Variants in PTGR1 observed in about 807,000 individuals in gnomAD.
The protein encoded by PTGR1 is 15-oxoprostaglandin 13-reductase.
PTGR1 carries 23 observed loss-of-function variants against 37.7 expected under a neutral mutation model. The ratio of observed to expected loss-of-function variants is 0.61; its 90% CI spans 0.44 to 0.86. PTGR1 has a LOEUF of 0.86. PTGR1 is among the 40% of genes least tolerant of loss of function. The pLI is 0.00. For missense variants in PTGR1, 351 were observed against 394.3 expected, an observed-to-expected ratio of 0.89 and a Z score of 0.93; for synonymous variants, 134 against 140.0, an observed-to-expected ratio of 0.96 and a Z score of 0.30.
chr9:111,558,695 T>C (rs1310437604), downstream of PTGR1, among the ~76,000 whole-genome samples: 1 of 152,196 alleles, frequency 6.6e-6, no homozygotes, highest in Non-Finnish European at 1.5e-5. Context: ...CAGAGTTATA[T>C]ATATATGTGC....
intron 5 of PTGR1, among the ~76,000 whole-genome samples, chr9:111,584,708 G>C (rs777418901): frequency 6.6e-6 from 1 of 152,170 alleles, no homozygotes; most frequent in Non-Finnish European, 1.5e-5. Flanking sequence ...CAGGAGACCA[G>C]CTTAAGACCA....
In PTGR1 at chr9:111,553,167, T is replaced by C. The variant is rs182731889; in HGVS notation, c.880-3368A>G. Among the ~76,000 whole-genome samples, 859 of 152,360 alleles carry C rather than the reference T, an allele frequency of 5.6e-3. 4 individuals carry two copies. Among genetic ancestry groups the C allele is most frequent in the Non-Finnish European group, 9.8e-3 (669 of 68,022 alleles). On this transcript the variant is annotated intron_variant, in intron 9 of 9. Transcript: ENST00000538962. ...GTCTTAAATATTGTCTTAAGTATTA[T>C]CTACTATGTATCTTTAACACTTTTG...
intron 7 of PTGR1, chr9:111,576,349 C>T: frequency 1.9e-6 from 3 of 1,613,776 alleles, no homozygotes; most frequent in Non-Finnish European, 2.5e-6. Context: ...ACTAAGCTTT[C>T]CCTGGTCACT....
In PTGR1 at chr9:111,593,131, C is replaced by G. The variant is rs548945775; in HGVS notation, c.153-149G>C. On this transcript the variant is annotated intron_variant, in intron 3 of 9. Coordinates refer to ENST00000407693, the MANE Select transcript of PTGR1 (RefSeq NM_001146108.2). The stretch of plus-strand genomic sequence containing the variant: ...AGTGTATGCGGCAATAAAACCCAGA[C>G]AGATGAAGGGCTACAACTAGGTGAG... 22 of 1,299,200 alleles carry G rather than the reference C, an allele frequency of 1.7e-5. No individual in the cohort carries two copies. In the South Asian group the frequency reaches 1.8e-4, roughly 10 times the overall value. 80.5% of individuals were successfully genotyped at this position (1,299,200 alleles called of 1,614,324 possible).
At chr9:111,586,279 C>T (rs1829426116) in intron 4 of PTGR1, 114 bp from the exon 5 acceptor site, 1 of 993,336 alleles carries the variant, frequency 1.0e-6, no homozygotes, top group Non-Finnish European at 1.5e-6. Context: ...TGATATTCCA[C>T]AACTGATAGT....
At chr9:111,583,705 C>A (rs1455453722) in intron 5 of PTGR1, 116 bp from the exon 6 acceptor site, 1 of 757,348 alleles carries the variant, frequency 1.3e-6, no homozygotes, top group Non-Finnish European at 2.2e-6. Context: ...AAGTAAAAGA[C>A]AAAAATATGG....
In PTGR1 at chr9:111,570,491, G is replaced by A. The variant is rs781425388; in HGVS notation, c.761-282C>T. Reference sequence around the variant, plus strand: ...TGCAGATATGATTAAGAAGTTTGGGGGTGGCGCGGTGGCTCACACCTGTAA... The same window carrying A: ...TGCAGATATGATTAAGAAGTTTGGGAGTGGCGCGGTGGCTCACACCTGTAA... On this transcript the variant is annotated intron_variant, in intron 8 of 9. Transcript: ENST00000407693. 3.7e-4 allele frequency among the ~76,000 whole-genome samples: 57 copies of A among 152,142 alleles called. No homozygotes were observed. The Middle Eastern group carries it at 0.02, about 54-fold the overall frequency.
chr9:111,563,624 G>A, intron 9 of PTGR1: 1 of 158,500 alleles, frequency 6.3e-6, no homozygotes, highest in Non-Finnish European at 1.4e-5. Context: ...TCCTGCCTCA[G>A]CCTCCCGACT....
chr9:111,585,038 G>A (rs1297364232), intron 5 of PTGR1, among the ~76,000 whole-genome samples: 2 of 151,808 alleles, frequency 1.3e-5, no homozygotes, highest in East Asian at 1.9e-4. Flanking sequence ...ACAAATTCAT[G>A]TAAAGTTATT....
At chr9:111,574,613 A>G (rs1828975715) in intron 8 of PTGR1, 121 bp downstream of exon 8, 1 of 706,494 alleles carries the variant, frequency 1.4e-6, no homozygotes, top group East Asian at 3.1e-5. Context: ...TTAAAAAAAA[A>G]AAAAAAAGAA....
intron 3 of PTGR1, among the ~76,000 whole-genome samples, chr9:111,593,512 C>T (rs1829683908): frequency 6.6e-6 from 1 of 152,186 alleles, no homozygotes; most frequent in Admixed American, 6.5e-5. Context: ...CCTCCCCTCC[C>T]TGAGTTGTCT....
chr9:111,549,833 G>T, intron 9 of PTGR1: 2 of 1,354,812 alleles, frequency 1.5e-6, no homozygotes, highest in Non-Finnish European at 2.1e-6. Flanking sequence ...AGCTCTTTGA[G>T]CATCTTTAAG....
chr9:111,582,797 C>A (rs1829322139), intron 6 of PTGR1, among the ~76,000 whole-genome samples: 1 of 152,258 alleles, frequency 6.6e-6, no homozygotes, highest in South Asian at 2.1e-4. Context: ...CTGTACTCAT[C>A]TGTACTCCAT....
At chr9:111,591,130 A>G (rs1295214222) in intron 4 of PTGR1, among the ~76,000 whole-genome samples, 1 of 151,768 alleles carries the variant, frequency 6.6e-6, no homozygotes, top group Non-Finnish European at 1.5e-5. Flanking sequence ...CATCTCTACT[A>G]AAAATACAAA....
Position 111,570,140 on chromosome 9 carries a change from C to T in PTGR1, c.830G>A (p.Gly277Glu). The T allele has an allele frequency of 6.2e-7, 1 of 1,614,118 alleles. No homozygotes were observed. Among genetic ancestry groups the T allele is most frequent in the Non-Finnish European group, 8.5e-7 (1 of 1,180,022 alleles). Residue 277 changes from glycine to glutamate, a missense_variant, in exon 9 of 10, where the codon GGA becomes GAA. Gly to Glu is a moderately conservative substitution (Grantham distance 98, BLOSUM62 -2). Coordinates refer to ENST00000407693, the MANE Select transcript of PTGR1 (RefSeq NM_001146108.2). The stretch of plus-strand genomic sequence containing the variant: ...CTTCAGAGCTTTTTGGCGGGCATCT[C>T]CTTGCCAGCGGTAGACGACAAAAGC... ...MEAFVVYRWQ[G>E]DARQKALKDL...
downstream of PTGR1, among the ~76,000 whole-genome samples, chr9:111,561,185 G>A (rs533074774): frequency 1.6e-3 from 231 of 145,482 alleles, 3 homozygotes; most frequent in African/African-American, 5.6e-3. Context: ...GAGAAAGAGA[G>A]AGAGATTCTT....
chr9:111,578,227 G>C (rs1045014479), intron 7 of PTGR1, among the ~76,000 whole-genome samples: 3 of 152,122 alleles, frequency 2.0e-5, no homozygotes, highest in Admixed American at 6.5e-5. Flanking sequence ...TGGCACCAGG[G>C]AGCAGTTTCA....
chr9:111,574,595 ACT>A, intron 8 of PTGR1, 137 bp downstream of exon 8: 1 of 571,000 alleles, frequency 1.8e-6, no homozygotes, highest in Non-Finnish European at 2.9e-6. Flanking sequence ...ACAAAGTGAG[ACT>A]CTGTCTTAAA....
chr9:111,586,045 T>A lies in PTGR1; in HGVS notation c.330A>T (p.Pro110=). The A allele has an allele frequency of 1.9e-6, 3 of 1,614,238 alleles. No homozygotes were observed. Among genetic ancestry groups the A allele is most frequent in the Non-Finnish European group, 2.5e-6 (3 of 1,180,048 alleles). ...GAGCCAAAGACAGTGGTATTGTGTC[T>A]GGCCACTCTGTCAGCAGCTTTTCCA... ...KDLEKLLTEW[P]DTIPLSLALG... is the part of the protein sequence containing the mutation. The change falls in exon 5 of 10, where the codon CCA becomes CCT. Residue 110 remains proline (P), a synonymous_variant. Coordinates refer to ENST00000407693, the MANE Select transcript of PTGR1 (RefSeq NM_001146108.2).
Sources: gnomAD v4.1 joint callset for allele counts (sites outside exome capture counted in the v4.1 genomes callset) on GRCh38, gnomAD v4.1.1 for gene constraint, MANE v1.5 for transcripts, NCBI Gene and HGNC (gene_info 2026-07-23, HGNC 2026-07-21) for gene names.